Variants in PLEKHA6 observed in about 807,000 individuals in gnomAD.
PLEKHA6 encodes pleckstrin homology domain containing A6, also known as pleckstrin homology domain-containing family A member 6.
PLEKHA6 carries 60 observed loss-of-function variants against 116.7 expected under a neutral mutation model. The ratio of observed to expected loss-of-function variants is 0.51; its 90% CI spans 0.42 to 0.64. PLEKHA6 has a LOEUF of 0.64. Ranked by LOEUF, PLEKHA6 falls within the 30% of genes least tolerant of loss-of-function variation. The pLI is 0.00. For synonymous variants in PLEKHA6, 489 were observed against 556.1 expected, an observed-to-expected ratio of 0.88 and a Z score of 1.70; for missense variants, 1,338 against 1,422.7, an observed-to-expected ratio of 0.94 and a Z score of 0.96.
At chr1:204,256,819 TG>T in intron 9 of PLEKHA6, 3 of 651,728 alleles carry the variant, frequency 4.6e-6, no homozygotes, top group South Asian at 1.7e-5. Flanking sequence ...TCGTGGACCG[TG>T]GGGGATGGTG....
chr1:204,310,698 A>G (rs1309637093), intron 1 of PLEKHA6, among the ~76,000 whole-genome samples: 2 of 152,240 alleles, frequency 1.3e-5, no homozygotes, highest in African/African-American at 4.8e-5. Context: ...GTAGAGATGC[A>G]ATAAATAGTT....
intron 9 of PLEKHA6, chr1:204,255,501 C>CT: frequency 1.6e-6 from 1 of 631,914 alleles, no homozygotes; most frequent in East Asian, 2.7e-5. Context: ...ACATAAGCCA[C>CT]TTTGTTGTGT....
chr1:204,355,654 G>T (rs1233319186), intron 1 of PLEKHA6, among the ~76,000 whole-genome samples: 1 of 150,924 alleles, frequency 6.6e-6, no homozygotes. Context: ...TGACCAGGCT[G>T]GTCTCAAACT....
At chr1:204,234,417 A>C (rs756177685) in intron 17 of PLEKHA6, among the ~76,000 whole-genome samples, 1 of 152,216 alleles carries the variant, frequency 6.6e-6, no homozygotes, top group Non-Finnish European at 1.5e-5. Context: ...GGTTTGTGGT[A>C]ATTTGTTAAC....
At chr1:204,351,344 A>G (rs1267055500) in intron 1 of PLEKHA6, among the ~76,000 whole-genome samples, 2 of 152,126 alleles carry the variant, frequency 1.3e-5, no homozygotes, top group East Asian at 3.9e-4. Context: ...TCCATCACCC[A>G]AGCCGAACCC....
intron 9 of PLEKHA6, among the ~76,000 whole-genome samples, chr1:204,256,374 A>C (rs1295658078): frequency 6.6e-6 from 1 of 152,184 alleles, no homozygotes; most frequent in Non-Finnish European, 1.5e-5. Flanking sequence ...TTTCTTCCTC[A>C]ATCATATCGC....
At chr1:204,372,017 A>G (rs1463037625) in intron 1 of PLEKHA6, among the ~76,000 whole-genome samples, 1 of 152,222 alleles carries the variant, frequency 6.6e-6, no homozygotes, top group African/African-American at 2.4e-5. Flanking sequence ...GATGATTGCT[A>G]AAGTCAGGTG....
At chr1:204,361,681 C>G (rs1673563338), upstream of PLEKHA6, among the ~76,000 whole-genome samples, 1 of 152,216 alleles carries the variant, frequency 6.6e-6, no homozygotes, top group Non-Finnish European at 1.5e-5. Flanking sequence ...TGGATGAGGG[C>G]CCAGTGCCAG....
intron 1 of PLEKHA6, among the ~76,000 whole-genome samples, chr1:204,345,138 A>T (rs1672989560): frequency 6.6e-6 from 1 of 152,232 alleles, no homozygotes; most frequent in South Asian, 2.1e-4. Context: ...AGCCAATTAA[A>T]GGACACTTTT....
In PLEKHA6 at chr1:204,241,382, G is replaced by A. The variant is rs267598320; in HGVS notation, c.2402C>T (p.Ser801Phe). 1 of 1,604,076 alleles carries A rather than the reference G, an allele frequency of 6.2e-7. No individual in the cohort carries two copies. Among genetic ancestry groups the A allele is most frequent in the Admixed American group, 1.7e-5 (1 of 59,746 alleles). Reference sequence around the variant, plus strand: ...GCTTGCAGAGGTACCCACCTGGGAGGAGAGTCCATTGGTGAGCCCACTGGC... The same window carrying A: ...GCTTGCAGAGGTACCCACCTGGGAGAAGAGTCCATTGGTGAGCCCACTGGC... ...RNASGLTNGL[S>F]SQERPKSAVF... The change falls in exon 17 of 23, where the codon TCC becomes TTC. Residue 801 changes from serine (S) to phenylalanine (F), a missense_variant. Around this residue, in one of 3 missense-constraint regions of PLEKHA6, gnomAD observed 1,136 missense variants for 1,163.6 expected, o/e 0.98. Transcript: ENST00000272203.
At chr1:204,330,039 A>AT (rs1026003049) in intron 1 of PLEKHA6, among the ~76,000 whole-genome samples, 8 of 152,290 alleles carry the variant, frequency 5.3e-5, no homozygotes, top group African/African-American at 1.7e-4. Context: ...ACTAGAAAAA[A>AT]ATATATATAT....
chr1:204,327,644 G>A (rs540087420), intron 1 of PLEKHA6, among the ~76,000 whole-genome samples: 2 of 152,368 alleles, frequency 1.3e-5, no homozygotes, highest in Admixed American at 6.5e-5. Flanking sequence ...AGATGGGCGA[G>A]CGCTGTGCCA....
Position 204,259,430 on chromosome 1 carries a change from G to A in PLEKHA6, c.835C>T (p.Arg279Trp), listed in dbSNP as rs147420132. 907 of 1,614,092 alleles carry A rather than the reference G, an allele frequency of 5.6e-4. No individual in the cohort carries two copies. Among genetic ancestry groups the A allele is most frequent in the Non-Finnish European group, 7.4e-4 (872 of 1,180,036 alleles). The change falls in exon 8 of 23, where the codon CGG (arginine) becomes TGG (tryptophan). Residue 279 changes from arginine to tryptophan, a missense_variant. Arg to Trp is a moderately radical substitution (Grantham distance 101). Around this residue, in one of 3 missense-constraint regions of PLEKHA6, gnomAD observed 1,136 missense variants for 1,163.6 expected, o/e 0.98. Coordinates refer to ENST00000272203, the MANE Select transcript of PLEKHA6 (RefSeq NM_014935.5). The surrounding 1 kb of genome is among the most constrained non-coding windows in gnomAD (Gnocchi z 4.6). The part of the protein sequence containing the change: ...PNGWQYHSPS[R>W]PGSTAFPSQD... ...GACGGGAAAGCTGTGCTCCCTGGCCGGCTTGGGGAGTGGTACTGCCAGCCA... is the reference window on the plus strand; with the variant it reads ...GACGGGAAAGCTGTGCTCCCTGGCCAGCTTGGGGAGTGGTACTGCCAGCCA...
intron 17 of PLEKHA6, among the ~76,000 whole-genome samples, chr1:204,240,098 T>C (rs977636156): frequency 2.0e-5 from 3 of 152,200 alleles, no homozygotes; most frequent in Non-Finnish European, 2.9e-5. Context: ...GCTAGGGTGA[T>C]TGACCTGGAC....
chr1:204,363,553 G>T (rs11803361), upstream of PLEKHA6, among the ~76,000 whole-genome samples: 1 of 152,240 alleles, frequency 6.6e-6, no homozygotes, highest in African/African-American at 2.4e-5. Context: ...GAAGGAGAGA[G>T]GCACCCTTGG....
intron 1 of PLEKHA6, among the ~76,000 whole-genome samples, chr1:204,326,263 T>C (rs985402612): frequency 6.6e-6 from 1 of 152,136 alleles, no homozygotes; most frequent in Non-Finnish European, 1.5e-5. Context: ...AGCTCCTCTC[T>C]CCCTTAGACC....
intron 1 of PLEKHA6, chr1:204,317,265 T>C (rs1222683743): frequency 1.1e-5 from 10 of 944,814 alleles, no homozygotes; most frequent in Non-Finnish European, 1.0e-5. Flanking sequence ...CCCTGGGTCC[T>C]AGCTCCAGGC....
At chr1:204,332,817 C>A (rs1326734366) in intron 1 of PLEKHA6, among the ~76,000 whole-genome samples, 2 of 152,200 alleles carry the variant, frequency 1.3e-5, no homozygotes, top group East Asian at 3.9e-4. Flanking sequence ...GGCTGCATGA[C>A]CTAAGGCAAG....
At chr1:204,358,082 T>C (rs959337416) in intron 1 of PLEKHA6, among the ~76,000 whole-genome samples, 30 of 152,280 alleles carry the variant, frequency 2.0e-4, no homozygotes, top group African/African-American at 6.7e-4. Context: ...GGGACCCCCA[T>C]TGTCTGCAGC....
Sources: allele counts gnomAD v4.1 joint callset (sites outside exome capture counted in the v4.1 genomes callset), GRCh38; gene constraint gnomAD v4.1.1; regional missense constraint gnomAD v4.1.1; non-coding constraint Gnocchi (gnomAD v3.1); transcripts MANE v1.5; gene names NCBI Gene and HGNC (gene_info 2026-07-23, HGNC 2026-07-21).